Variants in CAPZB observed in about 807,000 individuals in gnomAD.
CAPZB encodes the protein capping actin protein of muscle Z-line subunit beta.
CAPZB carries 2 observed loss-of-function variants against 38.1 expected under a neutral mutation model. The observed-to-expected ratio is 0.05, with a 90% CI of 0.02 to 0.17. CAPZB has a LOEUF of 0.17. CAPZB is among the 10% of genes least tolerant of loss of function. The pLI is 1.00. For missense variants in CAPZB, 161 were observed against 334.2 expected, an observed-to-expected ratio of 0.48 and a Z score of 4.04; for synonymous variants, 107 against 127.4, an observed-to-expected ratio of 0.84 and a Z score of 1.08.
intron 4 of CAPZB, among the ~76,000 whole-genome samples, chr1:19,366,579 T>C (rs2094089408): frequency 1.3e-5 from 2 of 151,908 alleles, no homozygotes; most frequent in South Asian, 4.2e-4. Context: ...TCCCAGTTAC[T>C]CAGGAGGCTG....
rs190619784 is a variant in CAPZB, at chr1:19,396,516, G to A, written c.94-10890C>T. ...TGCTGTGGAGCTGCCGCTGCCCCTCGTACCCTACACAGGCTCCTCCTAAAG... is the reference window on the plus strand; with the variant it reads ...TGCTGTGGAGCTGCCGCTGCCCCTCATACCCTACACAGGCTCCTCCTAAAG... On this transcript the variant is annotated intron_variant, in intron 2 of 8. Transcript: ENST00000264202. Among the ~76,000 whole-genome samples the A allele has an allele frequency of 2.4e-3, 363 of 152,188 alleles. 2 individuals carry two copies. Among genetic ancestry groups the A allele is most frequent in the African/African-American group, 8.6e-3 (356 of 41,518 alleles).
At position 19,357,056 on chromosome 1, in the gene CAPZB, G is replaced by A. The variant is rs868639967; in HGVS notation, c.472-305C>T. On this transcript the variant is annotated intron_variant, in intron 5 of 8. Transcript: ENST00000264202. This position sits in a 1 kb window ranked among gnomAD's most constrained non-coding sequence, Gnocchi z 4.3. The stretch of plus-strand genomic sequence containing the variant: ...TTTTTTGTGTTTTTGGTAGAGATGC[G>A]GTTTCGCCATATTGGCCAGGCTGGT... Among the ~76,000 whole-genome samples the A allele has an allele frequency of 5.3e-5, 8 of 152,118 alleles. No homozygotes were observed. Among genetic ancestry groups the A allele is most frequent in the Admixed American group, 6.5e-5 (1 of 15,274 alleles).
At chr1:19,473,247 G>C (rs2094595843) in intron 1 of CAPZB, among the ~76,000 whole-genome samples, 1 of 152,184 alleles carries the variant, frequency 6.6e-6, no homozygotes, top group Non-Finnish European at 1.5e-5. Context: ...GGCTTGAAAG[G>C]CCATCTCTGC....
At chr1:19,396,095 G>A (rs565480960) in intron 2 of CAPZB, among the ~76,000 whole-genome samples, 13 of 152,372 alleles carry the variant, frequency 8.5e-5, no homozygotes, top group Admixed American at 8.5e-4. Flanking sequence ...CGCGACGGCA[G>A]AGGCCGTTGC....
intron 4 of CAPZB, among the ~76,000 whole-genome samples, chr1:19,361,368 A>C (rs1351379024): frequency 6.6e-6 from 1 of 152,232 alleles, no homozygotes; most frequent in Non-Finnish European, 1.5e-5. Context: ...TCCATTCACC[A>C]AAAGGGATCT....
At chr1:19,363,279 T>TTTTTTTG (rs397979443) in intron 4 of CAPZB, among the ~76,000 whole-genome samples, 1 of 148,524 alleles carries the variant, frequency 6.7e-6, no homozygotes, top group Non-Finnish European at 1.5e-5. Flanking sequence ...TTTTTTTTTT[T>TTTTTTTG]AGAGACAGGG....
At chr1:19,466,302 T>C (rs557106954) in intron 1 of CAPZB, among the ~76,000 whole-genome samples, 1 of 152,328 alleles carries the variant, frequency 6.6e-6, no homozygotes, top group South Asian at 2.1e-4. Context: ...CCAAAGCCCT[T>C]ACTCTTTGCA....
intron 1 of CAPZB, among the ~76,000 whole-genome samples, chr1:19,426,264 C>T (rs913367865): frequency 6.6e-6 from 1 of 152,222 alleles, no homozygotes; most frequent in Admixed American, 6.5e-5. Flanking sequence ...TCTTTAAAAT[C>T]CACTTTTCTG....
intron 1 of CAPZB, among the ~76,000 whole-genome samples, chr1:19,456,407 T>A (rs556107189): frequency 9.2e-5 from 14 of 152,242 alleles, no homozygotes; most frequent in African/African-American, 3.1e-4. Context: ...ACTAGTTTTT[T>A]AAAAAAATAA....
intron 1 of CAPZB, among the ~76,000 whole-genome samples, chr1:19,445,396 T>C (rs1031233952): frequency 3.3e-5 from 5 of 152,114 alleles, no homozygotes; most frequent in Non-Finnish European, 5.9e-5. Context: ...TTTATACATT[T>C]TGGCATTTTC....
In CAPZB at chr1:19,485,464, G is replaced by C; in HGVS notation, c.-26C>G. 1 of 1,230,308 alleles carries C rather than the reference G, an allele frequency of 8.1e-7. No homozygotes were observed. The highest frequency in any genetic ancestry group is 1.0e-6 in the Non-Finnish European group (1 of 987,400). 76.2% of individuals were successfully genotyped at this position (1,230,308 alleles called of 1,614,324 possible). On this transcript the variant is annotated 5_prime_UTR_variant, in exon 1 of 9. Transcript: ENST00000264202. ...GGTGGCGGCGGCGGCGGCGGTCCCG[G>C]TCCCGGCGTCAGTGGCTCTCCCCCC...
chr1:19,485,411 G>A (rs2094648016), intron 1 of CAPZB, 25 bp downstream of exon 1: 3 of 1,228,156 alleles, frequency 2.4e-6, no homozygotes, highest in South Asian at 4.1e-5. Flanking sequence ...CCCCCGGGCC[G>A]GGGAGGGGGC....
At chr1:19,438,554 G>GAGT (rs2094465641) in intron 1 of CAPZB, among the ~76,000 whole-genome samples, 1 of 152,170 alleles carries the variant, frequency 6.6e-6, no homozygotes, top group East Asian at 1.9e-4. Context: ...GTGGACCAAG[G>GAGT]GGCTCTGAAA....
intron 1 of CAPZB, among the ~76,000 whole-genome samples, chr1:19,423,408 A>T (rs1266334363): frequency 6.6e-6 from 1 of 151,546 alleles, no homozygotes; most frequent in Non-Finnish European, 1.5e-5. Context: ...AACGTAAGTG[A>T]CCCAGGAAAT....
At chr1:19,446,694 G>C (rs1204774957) in intron 1 of CAPZB, among the ~76,000 whole-genome samples, 1 of 152,080 alleles carries the variant, frequency 6.6e-6, no homozygotes, top group East Asian at 1.9e-4. Context: ...CCTTACAATT[G>C]CACAGTGTTA....
intron 1 of CAPZB, among the ~76,000 whole-genome samples, chr1:19,422,428 AG>A (rs2094404829): frequency 6.6e-6 from 1 of 152,168 alleles, no homozygotes; most frequent in African/African-American, 2.4e-5. Flanking sequence ...AGTCCCCCTC[AG>A]GAAGACTGCA....
intron 1 of CAPZB, among the ~76,000 whole-genome samples, chr1:19,439,808 G>C (rs1452473602): frequency 1.3e-5 from 2 of 152,246 alleles, no homozygotes; most frequent in African/African-American, 4.8e-5. Flanking sequence ...ATCACTGGGT[G>C]CTTAATAGGC....
intron 1 of CAPZB, among the ~76,000 whole-genome samples, chr1:19,432,966 T>C (rs2094447285): frequency 6.6e-6 from 1 of 152,222 alleles, no homozygotes; most frequent in African/African-American, 2.4e-5. Context: ...TTACAGACGG[T>C]ATTCTCACAA....
chr1:19,400,701 G>A (rs558055576), intron 2 of CAPZB, among the ~76,000 whole-genome samples: 6 of 152,206 alleles, frequency 3.9e-5, no homozygotes, highest in African/African-American at 7.2e-5. Flanking sequence ...ACTGTTCTCC[G>A]GCTTCCAACA....
Sources: allele counts gnomAD v4.1 joint callset (sites outside exome capture counted in the v4.1 genomes callset), GRCh38; gene constraint gnomAD v4.1.1; non-coding constraint Gnocchi (gnomAD v3.1); transcripts MANE v1.5; gene names NCBI Gene and HGNC (gene_info 2026-07-23, HGNC 2026-07-21).